MSR1: variants seen among roughly 807,000 people sequenced by gnomAD.
The protein encoded by MSR1 is macrophage scavenger receptor 1, also known as macrophage scavenger receptor types I and II.
A neutral mutation model predicts 47.2 loss-of-function variants in MSR1; 53 were observed. That is an observed-to-expected ratio of 1.12 (90% CI 0.90 to 1.41). The LOEUF is 1.41. MSR1 is among the 40% of genes most tolerant of loss of function. The pLI, the probability that MSR1 is intolerant of heterozygous loss-of-function variation, is 0.00. For missense variants in MSR1, 786 were observed against 546.9 expected, an observed-to-expected ratio of 1.44 and a Z score of -4.36; for synonymous variants, 239 against 185.6, an observed-to-expected ratio of 1.29 and a Z score of -2.34.
At chr8:16,122,404 CATAATAT>C (rs1800025741) in intron 8 of MSR1, among the ~76,000 whole-genome samples, 1 of 152,060 alleles carries the variant, frequency 6.6e-6, no homozygotes, top group African/African-American at 2.4e-5. Flanking sequence ...TATATCCAAA[CATAATAT>C]ATTTATCATG....
intron 6 of MSR1, among the ~76,000 whole-genome samples, chr8:16,153,572 AC>A (rs1301467735): frequency 2.6e-5 from 4 of 152,102 alleles, no homozygotes; most frequent in East Asian, 1.9e-4. Flanking sequence ...TAAAAAAAAA[AC>A]AAAATCAAAG....
At position 16,168,451 on chromosome 8, in the gene MSR1, C is replaced by G; in HGVS notation, c.630+7G>C. The G allele has an allele frequency of 1.2e-6, 2 of 1,614,018 alleles. No individual in the cohort carries two copies. The highest frequency in any genetic ancestry group is 1.7e-6 in the Non-Finnish European group (2 of 1,179,966). ...AGCAAGTGACCTTGCAGTCCACAAACTCTTACCTCTTGTTGTTTGAAGGTA... is the reference window on the plus strand; with the variant it reads ...AGCAAGTGACCTTGCAGTCCACAAAGTCTTACCTCTTGTTGTTTGAAGGTA... On this transcript the variant is annotated splice_region_variant and intron_variant, in intron 4 of 9. Coordinates refer to ENST00000262101, the MANE Select transcript of MSR1 (RefSeq NM_138715.3).
At chr8:16,110,264 G>A (rs1171389424) in intron 9 of MSR1, 46 bp from the exon 10 acceptor site, 12 of 1,605,882 alleles carry the variant, frequency 7.5e-6, no homozygotes, top group Admixed American at 6.7e-5. Context: ...AGAGTTTAGT[G>A]TTTCTCTTTG....
chr8:16,175,427 T>G, intron 2 of MSR1, 127 bp from the exon 3 acceptor site: 1 of 833,278 alleles, frequency 1.2e-6, no homozygotes, highest in East Asian at 2.7e-5. Flanking sequence ...GAAAAAATGT[T>G]CCACATCTTT....
At chr8:16,119,870 CTTTTTTTT>C (rs35520763) in intron 9 of MSR1, among the ~76,000 whole-genome samples, 1 of 95,680 alleles carries the variant, frequency 1.0e-5, no homozygotes, top group East Asian at 3.1e-4. Flanking sequence ...TCACGCCTGG[CTTTTTTTT>C]TTTTTTTTTT....
chr8:16,153,393 G>T (rs1468630371), intron 6 of MSR1, among the ~76,000 whole-genome samples: 1 of 151,850 alleles, frequency 6.6e-6, no homozygotes, highest in Non-Finnish European at 1.5e-5. Context: ...CAAACAAAAT[G>T]GTAACCTGAT....
At chr8:16,184,695 T>G (rs899131067) in intron 1 of MSR1, among the ~76,000 whole-genome samples, 1 of 152,202 alleles carries the variant, frequency 6.6e-6, no homozygotes, top group East Asian at 1.9e-4. Flanking sequence ...ATTAATATTA[T>G]TAGTGAGACA....
intron 9 of MSR1, among the ~76,000 whole-genome samples, chr8:16,118,881 G>A (rs1008785453): frequency 6.6e-6 from 1 of 152,102 alleles, no homozygotes; most frequent in African/African-American, 2.4e-5. Flanking sequence ...TTGACCTTGA[G>A]AATATCTTAC....
rs1404413443 is a variant in MSR1 at position 16,143,459 on chromosome 8, T to C, written c.1033+99A>G. 15 of 990,630 alleles carry C rather than the reference T, an allele frequency of 1.5e-5. No homozygotes were observed. The Admixed American group carries it at 2.7e-4, about 18-fold the overall frequency. 61.4% of individuals were successfully genotyped at this position (990,630 alleles called of 1,614,324 possible). ...CTTCCATAGAGTCTGTATGGATCTG[T>C]GCTGAAGTTGCGAACATTTGCCTCA... On this transcript the variant is annotated intron_variant, in intron 8 of 9. Transcript: ENST00000262101.
chr8:16,110,901 A>T (rs775308640), intron 9 of MSR1, among the ~76,000 whole-genome samples: 1 of 152,188 alleles, frequency 6.6e-6, no homozygotes, highest in Non-Finnish European at 1.5e-5. Context: ...AAGAGTGTTA[A>T]CAGTAAGTTG....
chr8:16,162,320 G>A (rs1469646328), intron 5 of MSR1, among the ~76,000 whole-genome samples: 3 of 151,902 alleles, frequency 2.0e-5, no homozygotes, highest in African/African-American at 7.2e-5. Context: ...CAAAGATCAA[G>A]TCAAAATAGA....
At chr8:16,155,970 C>A (rs1800995043) in intron 5 of MSR1, among the ~76,000 whole-genome samples, 2 of 151,740 alleles carry the variant, frequency 1.3e-5, no homozygotes, top group African/African-American at 2.4e-5. Context: ...TTTGTATTTT[C>A]TGTGTCCAGC....
At chr8:16,140,104 T>G in intron 8 of MSR1, 1 of 983,208 alleles carries the variant, frequency 1.0e-6, no homozygotes, top group Non-Finnish European at 1.2e-6. Context: ...AATGAATGGA[T>G]TTTCTTCTAT....
chr8:16,192,482 GAC>G (rs1193211532), intron 1 of MSR1, 114 bp downstream of exon 1: 1 of 142,314 alleles, frequency 7.0e-6, no homozygotes, highest in Non-Finnish European at 1.5e-5. Flanking sequence ...TACACACACA[GAC>G]ACACAAATAT....
At chr8:16,175,063 T>C (rs1212759250) in intron 3 of MSR1, 124 bp downstream of exon 3, 9 of 773,222 alleles carry the variant, frequency 1.2e-5, no homozygotes, top group Non-Finnish European at 2.0e-5. Flanking sequence ...TGAAGGACAC[T>C]TTGTAATGCA....
Position 16,120,475 on chromosome 8 carries a change from T to C in MSR1, c.1165A>G (p.Arg389Gly). ...TGAACACCTGGGTATCCCAAGCTCC[T>C]ACAGACGACCTGTCCAACGCGCACT... ...WEVRVGQVVCRSLGYPGVQAV... is the reference protein window; with the variant it reads ...WEVRVGQVVCGSLGYPGVQAV... Residue 389 changes from arginine to glycine, a missense_variant, in exon 9 of 10, where the codon AGG becomes GGG. By Grantham distance (125) the Arg-to-Gly change is moderately radical (BLOSUM62 -2). Coordinates refer to ENST00000262101, the MANE Select transcript of MSR1 (RefSeq NM_138715.3). 1 of 1,613,976 alleles carries C rather than the reference T, an allele frequency of 6.2e-7. No individual in the cohort carries two copies. The highest frequency in any genetic ancestry group is 1.1e-5 in the South Asian group (1 of 91,070).
intron 9 of MSR1, among the ~76,000 whole-genome samples, chr8:16,118,640 C>G (rs535315707): frequency 5.9e-5 from 9 of 151,934 alleles, no homozygotes; most frequent in Non-Finnish European, 1.2e-4. Context: ...GATTACACCC[C>G]GCACTCCAGC....
intron 8 of MSR1, among the ~76,000 whole-genome samples, chr8:16,132,712 T>C (rs965417079): frequency 6.6e-6 from 1 of 152,114 alleles, no homozygotes; most frequent in Non-Finnish European, 1.5e-5. Context: ...CTGGAACTCC[T>C]TACCTCAGGT....
chr8:16,125,287 C>G (rs1282162789), intron 8 of MSR1, among the ~76,000 whole-genome samples: 1 of 152,134 alleles, frequency 6.6e-6, no homozygotes, highest in African/African-American at 2.4e-5. Flanking sequence ...ACTTTCTCCC[C>G]TTGGGAAATC....
Sources: gnomAD v4.1 joint callset for allele counts (sites outside exome capture counted in the v4.1 genomes callset) on GRCh38, gnomAD v4.1.1 for gene constraint, MANE v1.5 for transcripts, NCBI Gene and HGNC (gene_info 2026-07-23, HGNC 2026-07-21) for gene names.